PRKCE: variants seen among roughly 807,000 people sequenced by gnomAD.
PRKCE encodes protein kinase C epsilon, also known as protein kinase C epsilon type.
PRKCE carries 16 observed loss-of-function variants against 85.4 expected under a neutral mutation model. The observed-to-expected ratio is 0.19, with a 90% CI of 0.13 to 0.28. PRKCE has a LOEUF of 0.28. Among genes scored for constraint, PRKCE ranks in the 10% least tolerant of loss-of-function variants. The probability of loss-of-function intolerance (pLI) is 1.00; values close to 1 mark genes in which losing one functional copy is unlikely to be tolerated. For missense variants in PRKCE, 573 were observed against 975.2 expected, an observed-to-expected ratio of 0.59 and a Z score of 5.49; for synonymous variants, 388 against 371.5, an observed-to-expected ratio of 1.04 and a Z score of -0.51.
At chr2:45,835,413 G>A (rs546560154) in intron 1 of PRKCE, among the ~76,000 whole-genome samples, 46 of 152,230 alleles carry the variant, frequency 3.0e-4, no homozygotes, top group African/African-American at 1.1e-3. Flanking sequence ...ACGTTCCCCT[G>A]TGTCTCCTGG....
chr2:45,692,824 G>A (rs555942621), intron 1 of PRKCE, among the ~76,000 whole-genome samples: 11 of 152,170 alleles, frequency 7.2e-5, no homozygotes, highest in South Asian at 4.1e-4. Context: ...TAAATGCTCT[G>A]TGGGTGAGTT....
intron 2 of PRKCE, among the ~76,000 whole-genome samples, chr2:45,970,267 C>G (rs1490895259): frequency 6.6e-6 from 1 of 152,156 alleles, no homozygotes; most frequent in Non-Finnish European, 1.5e-5. Flanking sequence ...AATGGTATGT[C>G]AGTGTATGCC....
chr2:46,171,834 T>A (rs563099649), intron 14 of PRKCE, among the ~76,000 whole-genome samples: 1 of 152,130 alleles, frequency 6.6e-6, no homozygotes, highest in Non-Finnish European at 1.5e-5. Flanking sequence ...CAGATGCGCA[T>A]GTGGAGCTCC....
intron 1 of PRKCE, among the ~76,000 whole-genome samples, chr2:45,763,373 G>A (rs763003435): frequency 5.9e-5 from 9 of 152,184 alleles, no homozygotes; most frequent in Non-Finnish European, 1.0e-4. Flanking sequence ...GCAGAGACCT[G>A]TCTAGTGGAT....
chr2:46,152,980 T>C (rs1676796020), intron 13 of PRKCE, among the ~76,000 whole-genome samples: 1 of 152,104 alleles, frequency 6.6e-6, no homozygotes, highest in Non-Finnish European at 1.5e-5. Flanking sequence ...TTTTTCCTCC[T>C]TCCTTTCCTC....
At chr2:46,010,865 C>T in intron 10 of PRKCE, 1 of 1,512,852 alleles carries the variant, frequency 6.6e-7, no homozygotes, top group Non-Finnish European at 8.8e-7. Flanking sequence ...AATCACTTAA[C>T]TTCTAAGTTA....
intron 2 of PRKCE, among the ~76,000 whole-genome samples, chr2:45,899,058 T>C (rs533472828): frequency 2.0e-4 from 30 of 152,328 alleles, no homozygotes; most frequent in Non-Finnish European, 3.4e-4. Context: ...GACTGTCCAA[T>C]AGGCCATAGC....
At chr2:46,022,043 A>G (rs192629948) in intron 10 of PRKCE, among the ~76,000 whole-genome samples, 1 of 152,106 alleles carries the variant, frequency 6.6e-6, no homozygotes, top group Non-Finnish European at 1.5e-5. Flanking sequence ...ATGATTCCTA[A>G]TGCTCTGATT....
rs556259573 is a variant in PRKCE, at chr2:46,115,241, G to A, written c.1592+28879G>A. Among the ~76,000 whole-genome samples the A allele has an allele frequency of 3.9e-5, 6 of 152,330 alleles. No homozygotes were observed. The South Asian group carries it at 1.2e-3, about 32-fold the overall frequency. ...GCTCAGCCTGTCACCTTGGCCTCTT[G>A]CCATCTGGTCTTCTGCATTTCCATA... On this transcript the variant is annotated intron_variant, in intron 11 of 14. Coordinates refer to ENST00000306156, the MANE Select transcript of PRKCE (RefSeq NM_005400.3).
intron 11 of PRKCE, among the ~76,000 whole-genome samples, chr2:46,092,839 C>CCATTGG (rs1352005062): frequency 4.6e-5 from 7 of 152,164 alleles, no homozygotes; most frequent in Non-Finnish European, 1.0e-4. Flanking sequence ...TCATATCCTG[C>CCATTGG]CATTGGCACA....
intron 2 of PRKCE, among the ~76,000 whole-genome samples, chr2:45,950,879 T>A (rs780037285): frequency 5.9e-5 from 9 of 152,196 alleles, no homozygotes; most frequent in Non-Finnish European, 1.3e-4. Flanking sequence ...CTCTCAGAAC[T>A]GGCTCCTCTA....
chr2:46,079,218 T>A (rs1031928670), intron 10 of PRKCE, among the ~76,000 whole-genome samples: 1 of 151,318 alleles, frequency 6.6e-6, no homozygotes, highest in African/African-American at 2.4e-5. Context: ...TCCATAGGAC[T>A]GTTTTGTGTA....
At chr2:45,826,326 C>T (rs1427848800) in intron 1 of PRKCE, among the ~76,000 whole-genome samples, 1 of 152,198 alleles carries the variant, frequency 6.6e-6, no homozygotes, top group Non-Finnish European at 1.5e-5. Flanking sequence ...TGTTACATGA[C>T]ATTCCCACTA....
intron 2 of PRKCE, among the ~76,000 whole-genome samples, chr2:45,972,611 A>G (rs1259888392): frequency 6.6e-6 from 1 of 152,230 alleles, no homozygotes; most frequent in Non-Finnish European, 1.5e-5. Flanking sequence ...ACATTTAAGT[A>G]TTCAATCCAC....
chr2:46,123,147 G>GC (rs1491301924), intron 11 of PRKCE, among the ~76,000 whole-genome samples: 1 of 5,498 alleles, frequency 1.8e-4, no homozygotes, highest in African/African-American at 4.8e-4. Flanking sequence ...AAGTTCACTA[G>GC]CAAAAAAAAA....
chr2:45,709,149 T>C lies in PRKCE; in HGVS notation c.348+56701T>C, dbSNP rs1679383343. ...CCTCTGGGTGTGAAAGAGTAGGAGGTGAAGACCCCCAATTCCCTTCTGGAA... is the reference window on the plus strand; with the variant it reads ...CCTCTGGGTGTGAAAGAGTAGGAGGCGAAGACCCCCAATTCCCTTCTGGAA... On this transcript the variant is annotated intron_variant, in intron 1 of 14. Transcript: ENST00000306156. Among the ~76,000 whole-genome samples the C allele has an allele frequency of 2.0e-5, 3 of 152,104 alleles. No individual in the cohort carries two copies. In the South Asian group the frequency reaches 6.2e-4, roughly 32 times the overall value.
At chr2:45,872,091 A>G (rs1188263248) in intron 2 of PRKCE, among the ~76,000 whole-genome samples, 1 of 84,736 alleles carries the variant, frequency 1.2e-5, no homozygotes, top group East Asian at 4.6e-4. Context: ...CAGATACTTG[A>G]AAAGTCCTAG....
chr2:45,991,075 C>G (rs956546052), intron 6 of PRKCE, among the ~76,000 whole-genome samples: 2 of 151,802 alleles, frequency 1.3e-5, no homozygotes. Context: ...GGTGCAATCT[C>G]AGCTCACTGC....
chr2:46,032,653 G>A (rs918101354), intron 10 of PRKCE, among the ~76,000 whole-genome samples: 1 of 152,178 alleles, frequency 6.6e-6, no homozygotes, highest in African/African-American at 2.4e-5. Context: ...ATGGTGTGTT[G>A]ATGCTTGGAG....
Sources: allele counts gnomAD v4.1 joint callset (sites outside exome capture counted in the v4.1 genomes callset), GRCh38; gene constraint gnomAD v4.1.1; transcripts MANE v1.5; gene names NCBI Gene and HGNC (gene_info 2026-07-23, HGNC 2026-07-21).